Variants in EHMT1 observed in about 807,000 individuals in gnomAD.
EHMT1 encodes the protein euchromatic histone lysine methyltransferase 1, also known as histone-lysine N-methyltransferase EHMT1.
EHMT1 carries 15 observed loss-of-function variants against 147.2 expected under a neutral mutation model. The ratio of observed to expected loss-of-function variants is 0.10; its 90% CI spans 0.07 to 0.16. The LOEUF (loss-of-function observed/expected upper bound fraction) is 0.16, where lower values mean the gene tolerates loss of function less well. Among genes scored for constraint, EHMT1 ranks in the 10% least tolerant of loss-of-function variants. The probability of loss-of-function intolerance (pLI) is 1.00; values close to 1 mark genes in which losing one functional copy is unlikely to be tolerated. For missense variants in EHMT1, 1,587 were observed against 1,772.4 expected (o/e 0.90, Z 1.88); for synonymous variants, 795 against 709.6 (o/e 1.12, Z -1.91).
chr9:137,743,644 GA>G (rs778754886), intron 5 of EHMT1, 116 bp downstream of exon 5: 102 of 1,475,708 alleles, frequency 6.9e-5, no homozygotes, highest in Non-Finnish European at 9.0e-5. Context: ...CCAGTGCCAT[GA>G]AGCTCCTCTG....
intron 1 of EHMT1, among the ~76,000 whole-genome samples, chr9:137,639,491 T>C (rs1432246226): frequency 6.6e-6 from 1 of 152,176 alleles, no homozygotes; most frequent in African/African-American, 2.4e-5. Flanking sequence ...TTTGAGACTA[T>C]GTTATCTTGC....
intron 1 of EHMT1, among the ~76,000 whole-genome samples, chr9:137,648,759 GA>G (rs2133917675): frequency 6.6e-6 from 1 of 152,276 alleles, no homozygotes; most frequent in Non-Finnish European, 1.5e-5. Flanking sequence ...TGCCAACAAG[GA>G]ATCATTCTTA....
chr9:137,755,849 T>C (rs1433485979), intron 8 of EHMT1, among the ~76,000 whole-genome samples: 1 of 152,244 alleles, frequency 6.6e-6, no homozygotes, highest in Non-Finnish European at 1.5e-5. Context: ...ATTTAGTTTT[T>C]TTGAAACGTG....
intron 1 of EHMT1, among the ~76,000 whole-genome samples, chr9:137,653,820 G>C (rs949279944): frequency 6.6e-6 from 1 of 152,138 alleles, no homozygotes; most frequent in African/African-American, 2.4e-5. Context: ...CACTGCCCCT[G>C]GCCGATTTTC....
intron 14 of EHMT1, among the ~76,000 whole-genome samples, chr9:137,781,029 A>G (rs1377148009): frequency 2.1e-3 from 244 of 117,550 alleles, no homozygotes; most frequent in African/African-American, 7.0e-3. Flanking sequence ...GATGACGCCG[A>G]GACGTGTGGT....
At chr9:137,814,309 G>C (rs1954751926) in intron 21 of EHMT1, 122 bp from the exon 22 acceptor site, 8 of 1,031,444 alleles carry the variant, frequency 7.8e-6, no homozygotes, top group Non-Finnish European at 1.2e-5. Flanking sequence ...CACTCACGTG[G>C]TGCCTTTGAG....
intron 18 of EHMT1, among the ~76,000 whole-genome samples, chr9:137,810,656 TTTTA>T (rs947784778): frequency 9.2e-5 from 14 of 152,162 alleles, no homozygotes; most frequent in Admixed American, 6.5e-4. Context: ...TTTCTCCAAA[TTTTA>T]TTTGTTTTAT....
At chr9:137,636,002 A>G (rs973935775) in intron 1 of EHMT1, among the ~76,000 whole-genome samples, 1 of 150,350 alleles carries the variant, frequency 6.7e-6, no homozygotes, top group African/African-American at 2.4e-5. Context: ...GTTCACTGCA[A>G]CCTCCGCCTC....
Position 137,702,795 on chromosome 9 carries a change from G to A in EHMT1, c.22-8172G>A, listed in dbSNP as rs1338168881. On this transcript the variant is annotated intron_variant, in intron 1 of 26. Coordinates refer to ENST00000460843, the MANE Select transcript of EHMT1 (RefSeq NM_024757.5). ...AGTAGAGGCTCTCCGTGGGGGCTTC[G>A]CCCCTGCAGGAAGCTTCTGTCTGGA... Among the ~76,000 whole-genome samples the A allele has an allele frequency of 4.6e-5, 7 of 152,232 alleles. No individual in the cohort carries two copies. In the East Asian group the frequency reaches 5.8e-4, roughly 13 times the overall value.
rs187083301 is a variant in EHMT1 at position 137,649,414 on chromosome 9, C to T, written c.21+30365C>T. The stretch of plus-strand genomic sequence containing the variant: ...GGCGGAGGTGGCAGTGAGCTGAGAT[C>T]GCGCCATTGCACTCCAGCCTGGGCA... On this transcript the variant is annotated intron_variant, in intron 1 of 26. Coordinates refer to ENST00000460843, the MANE Select transcript of EHMT1 (RefSeq NM_024757.5). Among the ~76,000 whole-genome samples, 57 of 152,032 alleles carry T rather than the reference C, an allele frequency of 3.7e-4. No homozygotes were observed. In the East Asian group the frequency reaches 9.1e-3, roughly 24 times the overall value.
chr9:137,630,070 T>C (rs1843529377), intron 1 of EHMT1, among the ~76,000 whole-genome samples: 1 of 152,236 alleles, frequency 6.6e-6, no homozygotes, highest in Admixed American at 6.5e-5. Context: ...AAGAGGCCAC[T>C]TTCCCAGGAA....
intron 1 of EHMT1, among the ~76,000 whole-genome samples, chr9:137,708,675 C>T (rs528518811): frequency 6.6e-6 from 1 of 152,306 alleles, no homozygotes; most frequent in East Asian, 1.9e-4. Flanking sequence ...AGAGTTTTAA[C>T]ATTGGCAACA....
At chr9:137,677,975 A>G (rs1002592794) in intron 1 of EHMT1, among the ~76,000 whole-genome samples, 1 of 151,698 alleles carries the variant, frequency 6.6e-6, no homozygotes, top group African/African-American at 2.4e-5. Flanking sequence ...AGGCTGAGGC[A>G]GGAGAATGGC....
At chr9:137,772,775 A>G (rs4247463) in intron 10 of EHMT1, among the ~76,000 whole-genome samples, 43,110 of 152,162 alleles carry the variant, frequency 0.28, 6,641 homozygotes, top group Admixed American at 0.41. Flanking sequence ...TGGTGAACCC[A>G]GGGTGCCCCT....
Position 137,813,112 on chromosome 9 carries a change from A to G in EHMT1, c.2974A>G (p.Ser992Gly), listed in dbSNP as rs1954625494. 3 of 1,613,280 alleles carry G rather than the reference A, an allele frequency of 1.9e-6. No individual in the cohort carries two copies. In the Admixed American group the frequency reaches 5.0e-5, roughly 27 times the overall value. ...NSQVWSALQM[S>G]KALQDSAPDR... ...TCAGGTGTGGAGCGCTCTGCAGATG[A>G]GCAAGGCTCTGCAGGACTCGGCCCC... The change falls in exon 20 of 27, where the codon AGC becomes GGC. Residue 992 changes from serine to glycine, a missense_variant. Transcript: ENST00000460843. The surrounding 1 kb of genome is among the most constrained non-coding windows in gnomAD (Gnocchi z 4.9).
intron 1 of EHMT1, among the ~76,000 whole-genome samples, chr9:137,677,486 C>T (rs1172926305): frequency 2.0e-5 from 3 of 151,900 alleles, no homozygotes; most frequent in East Asian, 1.9e-4. Flanking sequence ...CTCCCTCTTT[C>T]GTCCGGGCTG....
intron 25 of EHMT1, among the ~76,000 whole-genome samples, chr9:137,819,584 G>A: frequency 8.9e-6 from 1 of 111,984 alleles, no homozygotes; most frequent in Non-Finnish European, 1.8e-5. Flanking sequence ...CGACTGAGGG[G>A]CGCCGTGTAC....
intron 25 of EHMT1, chr9:137,833,000 C>T (rs1469475062): frequency 6.6e-6 from 1 of 152,336 alleles, no homozygotes; most frequent in Non-Finnish European, 1.5e-5. Flanking sequence ...CTTCCCGCGC[C>T]TTTGGCTTTG....
intron 3 of EHMT1, among the ~76,000 whole-genome samples, chr9:137,720,900 C>A (rs999733953): frequency 6.6e-6 from 1 of 152,072 alleles, no homozygotes; most frequent in African/African-American, 2.4e-5. Context: ...GTTCTATGGC[C>A]TTCGGGTGTT....
Sources: allele counts gnomAD v4.1 joint callset (sites outside exome capture counted in the v4.1 genomes callset), GRCh38; gene constraint gnomAD v4.1.1; non-coding constraint Gnocchi (gnomAD v3.1); transcripts MANE v1.5; gene names NCBI Gene and HGNC (gene_info 2026-07-23, HGNC 2026-07-21).